The following PRKN variants were observed in gnomAD, a reference collection of about 807,000 sequenced individuals.
PRKN encodes the protein parkin RBR E3 ubiquitin protein ligase, also known as E3 ubiquitin-protein ligase parkin.
A neutral mutation model predicts 59.5 loss-of-function variants in PRKN; 56 were observed. The observed-to-expected ratio is 0.94, with a 90% CI of 0.76 to 1.18. PRKN has a LOEUF of 1.18. Ranked by LOEUF, PRKN falls within the 50% of genes most tolerant of loss-of-function variation. PRKN has a pLI of 0.00. For synonymous variants in PRKN, 250 were observed against 222.1 expected, an observed-to-expected ratio of 1.13 and a Z score of -1.12; for missense variants, 657 against 596.4, an observed-to-expected ratio of 1.10 and a Z score of -1.06.
intron 1 of PRKN, among the ~76,000 whole-genome samples, chr6:162,677,586 T>C (rs1584032196): frequency 6.6e-6 from 1 of 152,092 alleles, no homozygotes; most frequent in African/African-American, 2.4e-5. Context: ...TTGTTCTCAA[T>C]TATACTGGCC....
At chr6:162,110,919 A>T (rs1780402733) in intron 4 of PRKN, among the ~76,000 whole-genome samples, 1 of 152,186 alleles carries the variant, frequency 6.6e-6, no homozygotes, top group Non-Finnish European at 1.5e-5. Flanking sequence ...GAGACATCCC[A>T]AAAAAGGACT....
chr6:162,388,516 A>G (rs1786970671), intron 2 of PRKN, among the ~76,000 whole-genome samples: 1 of 152,132 alleles, frequency 6.6e-6, no homozygotes, highest in African/African-American at 2.4e-5. Flanking sequence ...TCTGAGCCTG[A>G]CCCTAGGAAT....
At chr6:162,116,282 C>T (rs545548276) in intron 4 of PRKN, among the ~76,000 whole-genome samples, 1 of 152,254 alleles carries the variant, frequency 6.6e-6, no homozygotes, top group African/African-American at 2.4e-5. Flanking sequence ...TAACTGACTC[C>T]ACAGAAAAGT....
chr6:162,228,950 A>G (rs1778304304), intron 3 of PRKN, among the ~76,000 whole-genome samples: 1 of 152,182 alleles, frequency 6.6e-6, no homozygotes, highest in South Asian at 2.1e-4. Flanking sequence ...GCGGTGTTGT[A>G]TGCTGGATCT....
intron 7 of PRKN, among the ~76,000 whole-genome samples, chr6:161,763,504 A>G (rs1208131525): frequency 6.6e-6 from 1 of 152,112 alleles, no homozygotes; most frequent in Admixed American, 6.5e-5. Flanking sequence ...GGAGTTGACG[A>G]AGAGCGGAGC....
intron 3 of PRKN, among the ~76,000 whole-genome samples, chr6:162,239,356 C>T (rs775653603): frequency 2.0e-5 from 3 of 152,114 alleles, no homozygotes; most frequent in African/African-American, 7.2e-5. Context: ...TTCCTACAAA[C>T]CTCTTTAACT....
chr6:161,791,289 G>C (rs1478681705), intron 6 of PRKN, among the ~76,000 whole-genome samples: 1 of 152,190 alleles, frequency 6.6e-6, no homozygotes, highest in Admixed American at 6.5e-5. Context: ...GAAGGAGTTT[G>C]AGTTACAAAT....
At chr6:161,434,388 G>A (rs1788788814) in intron 9 of PRKN, among the ~76,000 whole-genome samples, 1 of 152,166 alleles carries the variant, frequency 6.6e-6, no homozygotes, top group African/African-American at 2.4e-5. Flanking sequence ...GTGAGGGAGG[G>A]TGGCATCTGC....
intron 6 of PRKN, among the ~76,000 whole-genome samples, chr6:161,938,630 G>C (rs1423889008): frequency 6.6e-6 from 1 of 152,190 alleles, no homozygotes; most frequent in Non-Finnish European, 1.5e-5. Context: ...AAATTTTGAA[G>C]GACGTTGAAA....
Position 162,388,298 on chromosome 6 carries a change from A to T in PRKN, c.171+55012T>A, listed in dbSNP as rs181635169. On this transcript the variant is annotated intron_variant, in intron 2 of 11. Transcript: ENST00000366898. ...TCTAGGGCCCAGGTCCAGCTTCCCA[A>T]GACACCCAGCACAAGGAAAGCTCCA... is the stretch of plus-strand genomic sequence containing the variant. Among the ~76,000 whole-genome samples, 627 of 152,242 alleles carry T rather than the reference A, an allele frequency of 4.1e-3. 1 individual carries two copies. Among genetic ancestry groups the T allele is most frequent in the African/African-American group, 0.014 (598 of 41,536 alleles).
intron 3 of PRKN, among the ~76,000 whole-genome samples, chr6:162,211,422 C>T (rs1163621392): frequency 6.6e-6 from 1 of 152,114 alleles, no homozygotes; most frequent in Non-Finnish European, 1.5e-5. Flanking sequence ...TGAATGTTAT[C>T]CCAAGAAATG....
chr6:162,268,492 G>GCAAGGTAT (rs1780232571), intron 2 of PRKN, among the ~76,000 whole-genome samples: 1 of 152,184 alleles, frequency 6.6e-6, no homozygotes, highest in Non-Finnish European at 1.5e-5. Context: ...CAGGTATTTT[G>GCAAGGTAT]TTATAGCAAG....
intron 1 of PRKN, among the ~76,000 whole-genome samples, chr6:162,630,519 T>C (rs1783068586): frequency 6.6e-6 from 1 of 152,120 alleles, no homozygotes; most frequent in Non-Finnish European, 1.5e-5. Flanking sequence ...TTATCTAAAA[T>C]CCTGTTTCTA....
intron 2 of PRKN, among the ~76,000 whole-genome samples, chr6:162,418,226 T>C (rs9356014): frequency 0.55 from 83,604 of 152,004 alleles, 23,960 homozygotes; most frequent in African/African-American, 0.71. Context: ...CTTGAAAACA[T>C]TGTACTAAGT....
At chr6:161,694,498 G>T (rs943472687) in intron 7 of PRKN, among the ~76,000 whole-genome samples, 4 of 151,900 alleles carry the variant, frequency 2.6e-5, no homozygotes, top group Non-Finnish European at 5.9e-5. Context: ...CTTTATTTGG[G>T]CAAAGGTCAC....
chr6:162,045,378 GAGTATTA>G (rs1784212848), intron 5 of PRKN, among the ~76,000 whole-genome samples: 1 of 152,162 alleles, frequency 6.6e-6, no homozygotes, highest in South Asian at 2.1e-4. Flanking sequence ...CCCAAACCCT[GAGTATTA>G]AGGGGAATGA....
At chr6:162,057,181 AC>A (rs1331065892) in intron 4 of PRKN, among the ~76,000 whole-genome samples, 1 of 152,102 alleles carries the variant, frequency 6.6e-6, no homozygotes, top group Non-Finnish European at 1.5e-5. Context: ...GTCACAAAGA[AC>A]AAGCCGTTTC....
At chr6:161,831,828 C>T (rs1179763438) in intron 6 of PRKN, among the ~76,000 whole-genome samples, 1 of 152,142 alleles carries the variant, frequency 6.6e-6, no homozygotes, top group African/African-American at 2.4e-5. Context: ...GAGGGTCTGC[C>T]ACAGCCCTTT....
intron 1 of PRKN, among the ~76,000 whole-genome samples, chr6:162,461,268 G>A (rs1399471959): frequency 5.3e-5 from 8 of 151,756 alleles, no homozygotes; most frequent in East Asian, 1.9e-4. Context: ...TTAGGAGGCC[G>A]AGGCGGGAGG....
Sources: gnomAD v4.1 joint callset for allele counts (sites outside exome capture counted in the v4.1 genomes callset) on GRCh38, gnomAD v4.1.1 for gene constraint, MANE v1.5 for transcripts, NCBI Gene and HGNC (gene_info 2026-07-23, HGNC 2026-07-21) for gene names.